Variants in ZHX1 observed in about 807,000 individuals in gnomAD.
The protein encoded by ZHX1 is zinc fingers and homeoboxes 1.
ZHX1 carries 20 observed loss-of-function variants against 61.8 expected under a neutral mutation model. The ratio of observed to expected loss-of-function variants is 0.32; its 90% confidence interval spans 0.23 to 0.47. ZHX1 has a LOEUF of 0.47. ZHX1 is among the 20% of genes least tolerant of loss of function. The probability of loss-of-function intolerance (pLI) is 1.00; values close to 1 mark genes in which losing one functional copy is unlikely to be tolerated. For synonymous variants in ZHX1, 318 were observed against 352.6 expected (o/e 0.90, Z 1.10); for missense variants, 800 against 1,034.8 (o/e 0.77, Z 3.11).
Position 123,267,340 on chromosome 8 carries a change from C to T in ZHX1, c.-293G>A. ...GTATCCCTTCTAGTTAGATGTTTAG[C>T]TCAGGCCATCATTACCAACAGGTCC... On this transcript the variant is annotated 5_prime_UTR_variant, in exon 2 of 4. Transcript: ENST00000395571. 2 of 1,492,790 alleles carry T rather than the reference C, an allele frequency of 1.3e-6. No individual in the cohort carries two copies. Among genetic ancestry groups the T allele is most frequent in the Non-Finnish European group, 1.8e-6 (2 of 1,115,132 alleles). 92.5% of individuals were successfully genotyped at this position (1,492,790 alleles called of 1,614,324 possible).
intron 2 of ZHX1, among the ~76,000 whole-genome samples, chr8:123,260,801 C>T (rs1826225854): frequency 6.6e-6 from 1 of 151,922 alleles, no homozygotes; most frequent in Admixed American, 6.6e-5. Context: ...CGCGGTGCAT[C>T]ACTTGAGGTC....
rs1040318482 is a variant in ZHX1 at position 123,256,071 on chromosome 8, T to G, written c.-125A>C. ...AGTCCATTTTTGTGCTCAACAAGTCTCATTAGCAGCTTTCTCATGGTGCAA... is the reference window on the plus strand; with the variant it reads ...AGTCCATTTTTGTGCTCAACAAGTCGCATTAGCAGCTTTCTCATGGTGCAA... On this transcript the variant is annotated 5_prime_UTR_variant, in exon 3 of 4. Transcript: ENST00000395571. 17 of 785,290 alleles carry G rather than the reference T, an allele frequency of 2.2e-5. No homozygotes were observed. The highest frequency in any genetic ancestry group is 3.3e-5 in the Non-Finnish European group (17 of 514,000). The allele number at this position is 785,290 out of a possible 1,614,324, so 48.6% of individuals were successfully genotyped here.
intron 2 of ZHX1, among the ~76,000 whole-genome samples, chr8:123,259,348 C>G (rs74624151): frequency 0.018 from 2,778 of 151,884 alleles, 55 homozygotes; most frequent in African/African-American, 0.047. Flanking sequence ...ATGTTATAAA[C>G]TAAGCCAATG....
In ZHX1 at chr8:123,273,426, C is replaced by T. The variant is rs1046015053; in HGVS notation, c.-340+791G>A. ...TGTGGGCCCTAAGGCTTGGAGGATT[C>T]CCATGGGTCAGCCCCCACACCCCCA... is the stretch of plus-strand genomic sequence containing the variant. On this transcript the variant is annotated intron_variant, in intron 1 of 3. Transcript: ENST00000395571. Among the ~76,000 whole-genome samples, 4 of 152,166 alleles carry T rather than the reference C, an allele frequency of 2.6e-5. No individual in the cohort carries two copies. In the East Asian group the frequency reaches 7.7e-4, roughly 29 times the overall value.
chr8:123,264,374 C>T (rs572515811), intron 2 of ZHX1, among the ~76,000 whole-genome samples: 3 of 152,190 alleles, frequency 2.0e-5, no homozygotes, highest in South Asian at 2.1e-4. Context: ...AAATTCTATG[C>T]TTACCCACTA....
rs984351852 is a variant in ZHX1 at position 123,255,281 on chromosome 8, T to G, written c.666A>C (p.Val222=). The G allele has an allele frequency of 2.5e-6, 4 of 1,614,086 alleles. No homozygotes were observed. Among genetic ancestry groups the G allele is most frequent in the Non-Finnish European group, 3.4e-6 (4 of 1,180,042 alleles). Reference sequence around the variant, plus strand: ...CAGAAGCTGAAGAACTTGGATTTTCTACAATTTCTTCACGGTCTGGTTTGA... The same window carrying G: ...CAGAAGCTGAAGAACTTGGATTTTCGACAATTTCTTCACGGTCTGGTTTGA... ...NEIKPDREEI[V]ENPSSSASES... is the part of the protein sequence containing the mutation. Residue 222 remains valine (V), a synonymous_variant, in exon 3 of 4, where the codon GTA becomes GTC. Coordinates refer to ENST00000395571, the MANE Select transcript of ZHX1 (RefSeq NM_007222.5).
At chr8:123,256,219 C>G (rs1489690884) in intron 2 of ZHX1, 48 bp from the exon 3 acceptor site, 1 of 293,056 alleles carries the variant, frequency 3.4e-6, no homozygotes, top group Admixed American at 5.0e-5. Flanking sequence ...TAACTATGAT[C>G]TTTTAAACAA....
chr8:123,256,353 T>C (rs967768308), intron 2 of ZHX1, among the ~76,000 whole-genome samples, 182 bp from the exon 3 acceptor site: 5 of 152,190 alleles, frequency 3.3e-5, no homozygotes, highest in African/African-American at 9.7e-5. Context: ...GGCCAACTCA[T>C]TGAATGTTAA....
chr8:123,258,267 G>A (rs1430579410), intron 2 of ZHX1, among the ~76,000 whole-genome samples: 1 of 152,178 alleles, frequency 6.6e-6, no homozygotes, highest in Non-Finnish European at 1.5e-5. Flanking sequence ...TTCTTGCCAT[G>A]TGATCTCTGC....
chr8:123,260,195 G>C (rs1249521538), intron 2 of ZHX1, among the ~76,000 whole-genome samples: 1 of 151,842 alleles, frequency 6.6e-6, no homozygotes, highest in Admixed American at 6.6e-5. Context: ...AAAAAGAAGA[G>C]CTATCTGGTT....
chr8:123,258,390 G>A (rs1469717662), intron 2 of ZHX1, among the ~76,000 whole-genome samples: 1 of 152,182 alleles, frequency 6.6e-6, no homozygotes, highest in Non-Finnish European at 1.5e-5. Context: ...GTGAACCAAA[G>A]AAACCCTTTA....
At chr8:123,260,374 G>T (rs1826209293) in intron 2 of ZHX1, among the ~76,000 whole-genome samples, 1 of 151,998 alleles carries the variant, frequency 6.6e-6, no homozygotes, top group African/African-American at 2.4e-5. Flanking sequence ...TGAGAAGGAT[G>T]GATCACTTGA....
chr8:123,253,328 G>A lies in ZHX1; in HGVS notation c.2619C>T (p.Asp873=). ...HVKRKLSKSD[D] ...AAAAATTTTCTTAACTTACATTTCA[G>A]TCATCTGATTTAGACAGCTTCCGTT... Residue 873 remains aspartate, a synonymous_variant, in exon 3 of 4, where the codon GAC becomes GAT. Transcript: ENST00000395571. The A allele has an allele frequency of 6.3e-7, 1 of 1,595,308 alleles. No individual in the cohort carries two copies. The highest frequency in any genetic ancestry group is 8.5e-7 in the Non-Finnish European group (1 of 1,174,368).
chr8:123,264,386 TAAA>T (rs545773127), intron 2 of ZHX1, among the ~76,000 whole-genome samples: 1 of 151,836 alleles, frequency 6.6e-6, no homozygotes, highest in Non-Finnish European at 1.5e-5. Flanking sequence ...TACCCACTAC[TAAA>T]AAAAAGTCTA....
At chr8:123,269,045 T>C (rs1476399950) in intron 1 of ZHX1, among the ~76,000 whole-genome samples, 2 of 152,164 alleles carry the variant, frequency 1.3e-5, no homozygotes, top group East Asian at 1.9e-4. Context: ...GTAGGCCCAG[T>C]GGAGCATCTT....
At chr8:123,267,916 G>A (rs907294672) in intron 1 of ZHX1, among the ~76,000 whole-genome samples, 4 of 152,178 alleles carry the variant, frequency 2.6e-5, no homozygotes, top group African/African-American at 7.2e-5. Context: ...CAGGAGAATC[G>A]CTTGAACCGG....
At chr8:123,251,197 A>G (rs1202423840) in intron 3 of ZHX1, among the ~76,000 whole-genome samples, 2 of 152,094 alleles carry the variant, frequency 1.3e-5, no homozygotes, top group Admixed American at 6.5e-5. Flanking sequence ...CTGTTCGGTC[A>G]TGGTGAGATG....
At chr8:123,270,701 G>A (rs1038378900) in intron 1 of ZHX1, among the ~76,000 whole-genome samples, 1 of 150,696 alleles carries the variant, frequency 6.6e-6, no homozygotes. Context: ...AGAAAGGATC[G>A]CTTGAGCACA....
intron 2 of ZHX1, among the ~76,000 whole-genome samples, chr8:123,262,220 A>C (rs1470116575): frequency 2.0e-5 from 3 of 152,238 alleles, no homozygotes; most frequent in African/African-American, 7.2e-5. Flanking sequence ...GCTTTCAGTT[A>C]ACTTTTCAGT....
Sources: gnomAD v4.1 joint callset for allele counts (sites outside exome capture counted in the v4.1 genomes callset) on GRCh38, gnomAD v4.1.1 for gene constraint, MANE v1.5 for transcripts, NCBI Gene and HGNC (gene_info 2026-07-23, HGNC 2026-07-21) for gene names.